Variants in DAB2IP observed in about 807,000 individuals in gnomAD.
DAB2IP encodes DAB2 interacting protein, also known as disabled homolog 2-interacting protein.
DAB2IP carries 28 observed loss-of-function variants against 107.2 expected under a neutral mutation model. That is an observed-to-expected ratio of 0.26 (90% CI 0.19 to 0.36). DAB2IP has a LOEUF of 0.36. DAB2IP is among the 10% of genes least tolerant of loss of function. The probability of loss-of-function intolerance (pLI) is 1.00; values close to 1 mark genes in which losing one functional copy is unlikely to be tolerated. For missense variants in DAB2IP, 1,400 were observed against 1,644.7 expected (o/e 0.85, Z 2.57); for synonymous variants, 755 against 706.4 (o/e 1.07, Z -1.09).
chr9:121,658,935 C>G (rs1833081862), intron 1 of DAB2IP, among the ~76,000 whole-genome samples: 1 of 152,216 alleles, frequency 6.6e-6, no homozygotes, highest in African/African-American at 2.4e-5. Flanking sequence ...CTTTTGGAAG[C>G]CTTGTTAGCT....
intron 3 of DAB2IP, among the ~76,000 whole-genome samples, chr9:121,709,478 T>C (rs911949681): frequency 6.6e-6 from 1 of 152,180 alleles, no homozygotes; most frequent in Admixed American, 6.5e-5. Flanking sequence ...CTTTGAAGGA[T>C]ACGTGCTATT....
intron 1 of DAB2IP, among the ~76,000 whole-genome samples, chr9:121,593,903 G>T (rs918737291): frequency 6.6e-6 from 1 of 150,458 alleles, no homozygotes; most frequent in Non-Finnish European, 1.5e-5. Flanking sequence ...CCTGACCTCA[G>T]GTGATCTGCC....
chr9:121,573,849 T>C (rs1225941812), intron 1 of DAB2IP, among the ~76,000 whole-genome samples: 1 of 152,126 alleles, frequency 6.6e-6, no homozygotes, highest in Non-Finnish European at 1.5e-5. Context: ...GATATCTTTA[T>C]TTTGCTGCAG....
In DAB2IP at chr9:121,772,075, CT is replaced by C. The variant is rs1439520644; in HGVS notation, c.2079-531del. 2.0e-5 allele frequency among the ~76,000 whole-genome samples: 3 copies of C among 152,210 alleles called. No individual in the cohort carries two copies. The highest frequency in any genetic ancestry group is 4.4e-5 in the Non-Finnish European group (3 of 68,030). On this transcript the variant is annotated intron_variant, in intron 11 of 15. Coordinates refer to ENST00000408936, the Ensembl canonical transcript of DAB2IP. This position sits in a 1 kb window ranked among gnomAD's most constrained non-coding sequence, Gnocchi z 4.7. The stretch of plus-strand genomic sequence containing the variant: ...TCTCATTCCTTGTTTTTGCCAGGAA[CT>C]CCAGCCCCCGCCTGCCAGTCAAACA...
chr9:121,765,217 AG>A lies in DAB2IP; in HGVS notation c.1461-1271del, dbSNP rs750659322. On this transcript the variant is annotated intron_variant, in intron 8 of 15. Coordinates refer to ENST00000408936, the Ensembl canonical transcript of DAB2IP. Reference sequence around the variant, plus strand: ...TGTGCTTTCCCCCTCCCCCTCTTCCAGGGGGGCTGGGCATGTGACTCAGGGA... The same window carrying A: ...TGTGCTTTCCCCCTCCCCCTCTTCCAGGGGGCTGGGCATGTGACTCAGGGA... 9.7e-5 allele frequency among the ~76,000 whole-genome samples: 14 copies of A among 144,812 alleles called. No homozygotes were observed. In the East Asian group the frequency reaches 2.1e-3, roughly 22 times the overall value.
rs1238862010 is a variant in DAB2IP at position 121,634,386 on chromosome 9, A to C, written c.41-44292A>C. Among the ~76,000 whole-genome samples, 1 of 152,100 alleles carries C rather than the reference A, an allele frequency of 6.6e-6. No homozygotes were observed. The highest frequency in any genetic ancestry group is 1.5e-5 in the Non-Finnish European group (1 of 67,996). ...TTCACAAGCCTTTGTTTTTTTCTGA[A>C]TCTGCTCAAAGTCCTTCAACCCTGC... On this transcript the variant is annotated intron_variant, in intron 1 of 16. Transcript: ENST00000259371. This position sits in a 1 kb window ranked among gnomAD's most constrained non-coding sequence, Gnocchi z 4.7.
chr9:121,721,449 T>C (rs966723360), intron 3 of DAB2IP, among the ~76,000 whole-genome samples: 6 of 152,254 alleles, frequency 3.9e-5, no homozygotes, highest in South Asian at 2.1e-4. Context: ...GGGAGAAGGA[T>C]TGATGTGTTG....
chr9:121,577,319 A>C (rs1830085313), intron 1 of DAB2IP, among the ~76,000 whole-genome samples: 1 of 152,142 alleles, frequency 6.6e-6, no homozygotes, highest in Non-Finnish European at 1.5e-5. Context: ...ATTTCTGTCC[A>C]ATCTGGAAGC....
In DAB2IP at chr9:121,755,679, C is replaced by T. The variant is rs192673912; in HGVS notation, c.363-1334C>T. Among the ~76,000 whole-genome samples the T allele has an allele frequency of 1.1e-3, 160 of 152,316 alleles. 1 individual carries two copies. Among genetic ancestry groups the T allele is most frequent in the Admixed American group, 2.4e-3 (36 of 15,302 alleles). Reference sequence around the variant, plus strand: ...CTTGGGGTGGGAGGGTGGCTACTGTCAGCCTGAGTCCCTCTGAGCAGGGCT... The same window carrying T: ...CTTGGGGTGGGAGGGTGGCTACTGTTAGCCTGAGTCCCTCTGAGCAGGGCT... On this transcript the variant is annotated intron_variant, in intron 3 of 15. Coordinates refer to ENST00000408936, the Ensembl canonical transcript of DAB2IP.
intron 14 of DAB2IP, among the ~76,000 whole-genome samples, chr9:121,780,548 A>C (rs1296156945): frequency 1.3e-5 from 2 of 152,176 alleles, no homozygotes; most frequent in African/African-American, 4.8e-5. Context: ...TGGAGGGCTC[A>C]TCTAAGAGTG....
At chr9:121,728,959 G>A (rs1831376763) in intron 3 of DAB2IP, among the ~76,000 whole-genome samples, 1 of 152,108 alleles carries the variant, frequency 6.6e-6, no homozygotes, top group Non-Finnish European at 1.5e-5. Flanking sequence ...AGTTTGCCTG[G>A]TTGAGTTACA....
intron 9 of DAB2IP, 40 bp from the exon 10 acceptor site, chr9:121,768,392 C>T: frequency 6.2e-7 from 1 of 1,608,356 alleles, no homozygotes; most frequent in Non-Finnish European, 8.5e-7. Flanking sequence ...GCAGGGCCTG[C>T]CTGGGCCCAG....
upstream of DAB2IP, among the ~76,000 whole-genome samples, chr9:121,646,830 G>A (rs1352078359): frequency 5.3e-5 from 8 of 152,080 alleles, no homozygotes; most frequent in African/African-American, 1.9e-4. Flanking sequence ...TCAACCTTAT[G>A]ATCGTTGCTC....
chr9:121,582,212 A>G (rs2118908033), intron 1 of DAB2IP, among the ~76,000 whole-genome samples: 1 of 152,274 alleles, frequency 6.6e-6, no homozygotes, highest in East Asian at 1.9e-4. Context: ...CCCAGAAATC[A>G]AAACATCCCG....
At chr9:121,761,519 C>T (rs997667172) in intron 6 of DAB2IP, among the ~76,000 whole-genome samples, 2 of 152,234 alleles carry the variant, frequency 1.3e-5, no homozygotes, top group East Asian at 1.9e-4. Flanking sequence ...ACCCTCTCAC[C>T]TGTTCCTAGA....
chr9:121,666,364 G>T (rs1833422948), intron 1 of DAB2IP, among the ~76,000 whole-genome samples: 1 of 152,212 alleles, frequency 6.6e-6, no homozygotes, highest in Non-Finnish European at 1.5e-5. Context: ...TAGGGATTAG[G>T]ACGCATGGTT....
intron 1 of DAB2IP, among the ~76,000 whole-genome samples, chr9:121,603,323 G>T (rs1007675998): frequency 2.6e-5 from 4 of 152,234 alleles, no homozygotes; most frequent in African/African-American, 9.6e-5. Flanking sequence ...GGAATCGCCT[G>T]CATAGACCCC....
At chr9:121,756,923 AG>A in intron 3 of DAB2IP, 89 bp from the exon 4 acceptor site, 1 of 1,566,328 alleles carries the variant, frequency 6.4e-7, no homozygotes. Context: ...GCCTGCTGGA[AG>A]GGGCACGGCC....
intron 1 of DAB2IP, among the ~76,000 whole-genome samples, chr9:121,607,672 C>A (rs1040586375): frequency 6.6e-6 from 1 of 152,160 alleles, no homozygotes; most frequent in East Asian, 1.9e-4. Context: ...TCTGTCTCTG[C>A]CCCTGCCCCT....
Sources: gnomAD v4.1 joint callset for allele counts (sites outside exome capture counted in the v4.1 genomes callset) on GRCh38, gnomAD v4.1.1 for gene constraint, Gnocchi (gnomAD v3.1) non-coding constraint, MANE v1.5 for transcripts, NCBI Gene and HGNC (gene_info 2026-07-23, HGNC 2026-07-21) for gene names.